Variants in OXR1 observed in about 807,000 individuals in gnomAD.
The protein encoded by OXR1 is oxidation resistance 1.
OXR1 carries 41 observed loss-of-function variants against 104.6 expected under a neutral mutation model. The observed-to-expected ratio is 0.39, with a 90% CI of 0.31 to 0.51. The LOEUF is 0.51. Among genes scored for constraint, OXR1 ranks in the 20% least tolerant of loss-of-function variants. The probability of loss-of-function intolerance (pLI) is 0.77; values close to 1 mark genes in which losing one functional copy is unlikely to be tolerated. For missense variants in OXR1, 955 were observed against 1,031.9 expected (o/e 0.93, Z 1.02); for synonymous variants, 348 against 348.4 (o/e 1.00, Z 0.01).
intron 2 of OXR1, among the ~76,000 whole-genome samples, chr8:106,430,300 G>A (rs10955423): frequency 0.17 from 25,249 of 152,132 alleles, 2,508 homozygotes; most frequent in East Asian, 0.42. Context: ...GTATAGCACA[G>A]ATGGAATGAA....
chr8:106,425,568 C>T (rs960208931), intron 2 of OXR1, among the ~76,000 whole-genome samples: 10 of 152,108 alleles, frequency 6.6e-5, no homozygotes, highest in Admixed American at 3.9e-4. Flanking sequence ...TTTCTTTCAA[C>T]GTCTGGGATG....
At chr8:106,518,912 A>G in intron 2 of OXR1, 31 bp from the exon 3 acceptor site, 2 of 1,479,210 alleles carry the variant, frequency 1.4e-6, no homozygotes, top group Non-Finnish European at 1.8e-6. Context: ...TAGAATCAGG[A>G]TTCATAGCAT....
intron 3 of OXR1, among the ~76,000 whole-genome samples, chr8:106,586,340 AAAAC>A (rs1215130107): frequency 2.0e-5 from 3 of 152,164 alleles, no homozygotes; most frequent in East Asian, 3.9e-4. Flanking sequence ...AGAGAGAAGA[AAAAC>A]AAACAAAGCA....
intron 2 of OXR1, among the ~76,000 whole-genome samples, chr8:106,485,632 A>C (rs1265555980): frequency 6.6e-6 from 1 of 152,122 alleles, no homozygotes; most frequent in African/African-American, 2.4e-5. Flanking sequence ...ATATAGGCAA[A>C]GGATGCGAAA....
chr8:106,276,808 G>GTA (rs1812065303), intron 1 of OXR1, among the ~76,000 whole-genome samples: 1 of 150,118 alleles, frequency 6.7e-6, no homozygotes, highest in African/African-American at 2.4e-5. Flanking sequence ...TTCAATTCAG[G>GTA]TATTCACCTA....
At chr8:106,505,324 CATTT>C (rs1357460762) in intron 2 of OXR1, among the ~76,000 whole-genome samples, 2 of 152,154 alleles carry the variant, frequency 1.3e-5, no homozygotes, top group Non-Finnish European at 2.9e-5. Flanking sequence ...TTGATTCACT[CATTT>C]ATTAATTCAT....
chr8:106,334,397 C>T (rs949201835), intron 1 of OXR1, among the ~76,000 whole-genome samples: 3 of 152,084 alleles, frequency 2.0e-5, no homozygotes, highest in Non-Finnish European at 4.4e-5. Context: ...AGTATTTTTA[C>T]TTTTTCCTCT....
intron 3 of OXR1, among the ~76,000 whole-genome samples, chr8:106,569,796 AAATT>A (rs1220635647): frequency 1.2e-4 from 19 of 152,350 alleles, no homozygotes; most frequent in Admixed American, 6.5e-4. Context: ...ATGCCCATTT[AAATT>A]AATTCTAAAC....
At chr8:106,585,309 T>C (rs531068780) in intron 3 of OXR1, among the ~76,000 whole-genome samples, 1 of 152,102 alleles carries the variant, frequency 6.6e-6, no homozygotes, top group Non-Finnish European at 1.5e-5. Context: ...CTTCTTTCAG[T>C]GGGACTTCTA....
In OXR1 at chr8:106,729,957, A is replaced by G. The variant is rs1024273817; in HGVS notation, c.1957-7563A>G. On this transcript the variant is annotated intron_variant, in intron 11 of 16. Coordinates refer to ENST00000517566, the MANE Select transcript of OXR1 (RefSeq NM_001198533.2). ...ACCACTACCCAATATTAGAACTAGAATATCACTAATGTAGCTGCATCTGTC... is the reference window on the plus strand; with the variant it reads ...ACCACTACCCAATATTAGAACTAGAGTATCACTAATGTAGCTGCATCTGTC... 13 of 151,894 alleles carry G rather than the reference A, an allele frequency of 8.6e-5. No homozygotes were observed. The South Asian group carries it at 1.0e-3, about 12-fold the overall frequency. 9.4% of individuals were successfully genotyped at this position (151,894 alleles called of 1,614,324 possible).
intron 3 of OXR1, among the ~76,000 whole-genome samples, chr8:106,609,524 A>G (rs1439132256): frequency 6.6e-6 from 1 of 152,218 alleles, no homozygotes; most frequent in Non-Finnish European, 1.5e-5. Flanking sequence ...AGAATCAACT[A>G]TTCTACATAG....
intron 2 of OXR1, among the ~76,000 whole-genome samples, chr8:106,445,319 G>C (rs1333930705): frequency 6.6e-6 from 1 of 152,140 alleles, no homozygotes; most frequent in African/African-American, 2.4e-5. Context: ...ACAATACAGA[G>C]GTGAAAAGTA....
intron 3 of OXR1, among the ~76,000 whole-genome samples, chr8:106,605,650 A>C (rs1010948657): frequency 3.9e-4 from 59 of 151,086 alleles, no homozygotes; most frequent in Non-Finnish European, 8.0e-4. Context: ...AAAAAAAAAA[A>C]AATTAGGCGG....
chr8:106,619,308 T>C (rs1404495583), intron 3 of OXR1, among the ~76,000 whole-genome samples: 1 of 152,226 alleles, frequency 6.6e-6, no homozygotes, highest in South Asian at 2.1e-4. Flanking sequence ...TTTATCTGGG[T>C]AATTTCAAAA....
chr8:106,653,917 A>G (rs1824837584), intron 3 of OXR1, among the ~76,000 whole-genome samples: 1 of 152,086 alleles, frequency 6.6e-6, no homozygotes, highest in African/African-American at 2.4e-5. Flanking sequence ...GTATTCAAAA[A>G]TCAATTTTAT....
At chr8:106,477,973 A>G (rs1220077550) in intron 2 of OXR1, among the ~76,000 whole-genome samples, 1 of 151,928 alleles carries the variant, frequency 6.6e-6, no homozygotes, top group Non-Finnish European at 1.5e-5. Flanking sequence ...TGTATCTGTG[A>G]TTCTCATGTT....
At chr8:106,281,169 A>G (rs959319249) in intron 1 of OXR1, among the ~76,000 whole-genome samples, 2 of 152,162 alleles carry the variant, frequency 1.3e-5, no homozygotes, top group African/African-American at 4.8e-5. Context: ...TTGGTGCCAC[A>G]TGAAGAGGGA....
chr8:106,737,440 C>CTTTTTTT (rs71562118), intron 11 of OXR1, 80 bp from the exon 12 acceptor site: 2 of 148,068 alleles, frequency 1.4e-5, no homozygotes, highest in Non-Finnish European at 1.1e-5. Context: ...AATTTCTCCT[C>CTTTTTTT]TTTTTTTTTT....
intron 1 of OXR1, among the ~76,000 whole-genome samples, chr8:106,288,349 G>T (rs1812585180): frequency 1.3e-5 from 2 of 152,062 alleles, no homozygotes; most frequent in Admixed American, 1.3e-4. Context: ...GCAAAGAAGG[G>T]ACTGTTCCAA....
Sources: allele counts gnomAD v4.1 joint callset (sites outside exome capture counted in the v4.1 genomes callset), GRCh38; gene constraint gnomAD v4.1.1; transcripts MANE v1.5; gene names NCBI Gene and HGNC (gene_info 2026-07-23, HGNC 2026-07-21).